Variants in SORCS3 observed in about 807,000 individuals in gnomAD.
SORCS3 encodes the protein sortilin related VPS10 domain containing receptor 3, also known as VPS10 domain-containing receptor SorCS3.
A neutral mutation model predicts 146.3 loss-of-function variants in SORCS3; 57 were observed. The ratio of observed to expected loss-of-function variants is 0.39; its 90% CI spans 0.31 to 0.49. SORCS3 has a LOEUF of 0.49. Among genes scored for constraint, SORCS3 ranks in the 20% least tolerant of loss-of-function variants. SORCS3 has a pLI of 0.92. For synonymous variants in SORCS3, 653 were observed against 618.5 expected (o/e 1.06, Z -0.83); for missense variants, 1,341 against 1,575.5 (o/e 0.85, Z 2.52).
chr10:105,029,043 G>A (rs1165314104), intron 4 of SORCS3, among the ~76,000 whole-genome samples: 1 of 152,118 alleles, frequency 6.6e-6, no homozygotes, highest in African/African-American at 2.4e-5. Context: ...TACAAAAACG[G>A]GTGGGTCATA....
chr10:104,951,202 T>G (rs2019425519), intron 3 of SORCS3, among the ~76,000 whole-genome samples: 1 of 152,208 alleles, frequency 6.6e-6, no homozygotes, highest in Non-Finnish European at 1.5e-5. Flanking sequence ...GCATGTTCTT[T>G]TGGACTGAAT....
chr10:104,984,131 T>C (rs368060241), intron 4 of SORCS3, among the ~76,000 whole-genome samples: 143 of 152,206 alleles, frequency 9.4e-4, no homozygotes, highest in Middle Eastern at 3.4e-3. Context: ...AAGCAACAGA[T>C]AGAAAATAAG....
chr10:104,912,577 C>T (rs2018979946), intron 2 of SORCS3, among the ~76,000 whole-genome samples: 1 of 152,230 alleles, frequency 6.6e-6, no homozygotes, highest in African/African-American at 2.4e-5. Context: ...TGAATTACCA[C>T]TAGACATCAG....
In SORCS3 at chr10:104,727,670, C is replaced by T. The variant is rs562366344; in HGVS notation, c.627+85716C>T. On this transcript the variant is annotated intron_variant, in intron 1 of 26. Coordinates refer to ENST00000369701, the MANE Select transcript of SORCS3 (RefSeq NM_014978.3). The stretch of plus-strand genomic sequence containing the variant: ...GCATCTCCTTTTTAGGGGTCCCCAA[C>T]CCCTGGGCTGTAGACCAGTATCAGT... Among the ~76,000 whole-genome samples, 26 of 152,114 alleles carry T rather than the reference C, an allele frequency of 1.7e-4. No individual in the cohort carries two copies. The South Asian group carries it at 5.2e-3, about 30-fold the overall frequency.
chr10:104,927,499 C>A (rs1438264075), intron 3 of SORCS3, among the ~76,000 whole-genome samples: 2 of 152,198 alleles, frequency 1.3e-5, no homozygotes, highest in Non-Finnish European at 2.9e-5. Flanking sequence ...AAAATAACAA[C>A]ACAGTGAACA....
chr10:105,250,474 A>G lies in SORCS3; in HGVS notation c.3106-2301A>G, dbSNP rs143664938. On this transcript the variant is annotated intron_variant, in intron 22 of 26. Coordinates refer to ENST00000369701, the MANE Select transcript of SORCS3 (RefSeq NM_014978.3). The stretch of plus-strand genomic sequence containing the variant: ...AATCTCACAAGGACCAATCACTCGT[A>G]TGTCCCTTTGGATGGGTTAAATGAA... 5.0e-3 allele frequency among the ~76,000 whole-genome samples: 756 copies of G among 152,280 alleles called. 6 individuals carry two copies. Among genetic ancestry groups the G allele is most frequent in the Non-Finnish European group, 7.5e-3 (510 of 68,016 alleles).
rs1046312067 is a variant in SORCS3 at position 105,083,537 on chromosome 10, C to T, written c.1029-6238C>T. 3.3e-5 allele frequency among the ~76,000 whole-genome samples: 5 copies of T among 152,084 alleles called. No homozygotes were observed. In the South Asian group the frequency reaches 6.2e-4, roughly 19 times the overall value. The stretch of plus-strand genomic sequence containing the variant: ...CTCCCTAATACCTGTGGCAATGTCA[C>T]GGACCCTCTTACACATGCCTCACCT... On this transcript the variant is annotated intron_variant, in intron 5 of 26. Transcript: ENST00000369701.
chr10:104,982,506 A>G (rs2054936768), intron 4 of SORCS3, among the ~76,000 whole-genome samples: 1 of 152,342 alleles, frequency 6.6e-6, no homozygotes, highest in African/African-American at 2.4e-5. Flanking sequence ...AGGGATGACC[A>G]TGGCTTTGAA....
At chr10:105,253,166 A>T (rs1397455881) in intron 23 of SORCS3, among the ~76,000 whole-genome samples, 4 of 152,226 alleles carry the variant, frequency 2.6e-5, no homozygotes, top group Non-Finnish European at 5.9e-5. Context: ...TCTCCCTCCC[A>T]GTGACTCTTC....
intron 1 of SORCS3, among the ~76,000 whole-genome samples, chr10:104,761,683 C>T (rs543219552): frequency 3.9e-5 from 6 of 152,272 alleles, no homozygotes; most frequent in African/African-American, 1.4e-4. Context: ...AATTTCCCCA[C>T]TAAAGGCTTC....
intron 3 of SORCS3, among the ~76,000 whole-genome samples, chr10:104,957,390 C>T (rs557277489): frequency 3.5e-4 from 54 of 152,170 alleles, no homozygotes; most frequent in African/African-American, 1.2e-3. Flanking sequence ...TAATGAGAAG[C>T]GATTAATCTA....
At chr10:105,104,701 C>G (rs986015852) in intron 6 of SORCS3, among the ~76,000 whole-genome samples, 6 of 152,204 alleles carry the variant, frequency 3.9e-5, no homozygotes, top group African/African-American at 1.4e-4. Flanking sequence ...GTAATCATAG[C>G]TAATTTTCAT....
intron 1 of SORCS3, among the ~76,000 whole-genome samples, chr10:104,668,199 T>C (rs1336148314): frequency 6.6e-6 from 1 of 152,192 alleles, no homozygotes; most frequent in Non-Finnish European, 1.5e-5. Flanking sequence ...TAGTAAACCA[T>C]ATTAAGTGCC....
At chr10:104,867,337 T>C (rs2018470941) in intron 2 of SORCS3, among the ~76,000 whole-genome samples, 1 of 149,208 alleles carries the variant, frequency 6.7e-6, no homozygotes, top group African/African-American at 2.5e-5. Flanking sequence ...TGAGACGAAG[T>C]CTCGCTCTGT....
chr10:105,123,212 A>G lies in SORCS3; in HGVS notation c.1213-16185A>G, dbSNP rs1055972787. ...CTCTTCATCCCTTTGGGGACACCCC[A>G]AGTCATCTTTGCAGAACTTAGAACA... On this transcript the variant is annotated intron_variant, in intron 7 of 26. Coordinates refer to ENST00000369701, the MANE Select transcript of SORCS3 (RefSeq NM_014978.3). Among the ~76,000 whole-genome samples, 3 of 152,334 alleles carry G rather than the reference A, an allele frequency of 2.0e-5. No individual in the cohort carries two copies. The South Asian group carries it at 6.2e-4, about 32-fold the overall frequency.
chr10:105,145,515 C>A (rs1019623733), intron 8 of SORCS3, among the ~76,000 whole-genome samples: 1 of 152,104 alleles, frequency 6.6e-6, no homozygotes, highest in Non-Finnish European at 1.5e-5. Flanking sequence ...TCTAAAATAA[C>A]TTAGCTCATT....
chr10:105,072,928 G>A (rs2055567104), intron 5 of SORCS3, among the ~76,000 whole-genome samples: 1 of 152,048 alleles, frequency 6.6e-6, no homozygotes, highest in Non-Finnish European at 1.5e-5. Context: ...GTATTATCTG[G>A]TTTAACTTTC....
In SORCS3 at chr10:105,256,823, A is replaced by C. The variant is rs775756820; in HGVS notation, c.3342A>C (p.Pro1114=). The C allele has an allele frequency of 6.2e-7, 1 of 1,613,462 alleles. No individual in the cohort carries two copies. The highest frequency in any genetic ancestry group is 1.7e-5 in the Admixed American group (1 of 60,024). ...IVYVTQLTLA[P]LVDSSAGHSS... ...TTATCTGTTCTTCTTTCCAAGCTCC[A>C]TTGGTGGACTCCAGTGCTGGGCACA... Residue 1114 remains proline (P), a synonymous_variant, in exon 25 of 27, where the codon CCA becomes CCC. Coordinates refer to ENST00000369701, the MANE Select transcript of SORCS3 (RefSeq NM_014978.3).
intron 1 of SORCS3, among the ~76,000 whole-genome samples, chr10:104,800,301 A>G (rs1003705638): frequency 6.6e-6 from 1 of 152,186 alleles, no homozygotes; most frequent in Non-Finnish European, 1.5e-5. Flanking sequence ...AGACAGTAAA[A>G]AGATCTATGG....
Sources: gnomAD v4.1 joint callset for allele counts (sites outside exome capture counted in the v4.1 genomes callset) on GRCh38, gnomAD v4.1.1 for gene constraint, MANE v1.5 for transcripts, NCBI Gene and HGNC (gene_info 2026-07-23, HGNC 2026-07-21) for gene names.